The following PCDHGB2 variants were observed in gnomAD, a reference collection of about 807,000 sequenced individuals.
PCDHGB2 encodes protocadherin gamma-B2.
In PCDHGB2, 55 loss-of-function variants were observed where a neutral mutation model predicts 59.3. That is an observed-to-expected ratio of 0.93 (90% confidence interval 0.75 to 1.16). The LOEUF (loss-of-function observed/expected upper bound fraction) is 1.16, where lower values mean the gene tolerates loss of function less well. PCDHGB2 is among the 50% of genes most tolerant of loss of function. The pLI is 0.00. For synonymous variants in PCDHGB2, 516 were observed against 512.0 expected (o/e 1.01, Z -0.11); for missense variants, 1,228 against 1,198.5 (o/e 1.02, Z -0.36).
chr5:141,403,324 T>C (rs769971532), intron 1 of PCDHGB2: 9 of 1,613,974 alleles, frequency 5.6e-6, no homozygotes, highest in Non-Finnish European at 6.8e-6. Context: ...TAGAAGTAAC[T>C]GATATTAACG....
At position 141,394,998 on chromosome 5, in the gene PCDHGB2, G is replaced by T. The variant is rs774774010; in HGVS notation, c.2421+32442G>T. On this transcript the variant is annotated intron_variant, in intron 1 of 3. Transcript: ENST00000522605. ...CAAGTCACGCCTGCTCCAGGATTCC[G>T]GTGGCAGATTGGTAGGCGTGCCTGC... The T allele has an allele frequency of 2.7e-5, 44 of 1,613,892 alleles. No homozygotes were observed. Among genetic ancestry groups the T allele is most frequent in the Non-Finnish European group, 3.1e-5 (36 of 1,179,930 alleles).
chr5:141,419,085 C>T (rs759272094), intron 1 of PCDHGB2: 1 of 1,613,936 alleles, frequency 6.2e-7, no homozygotes, highest in Non-Finnish European at 8.5e-7. Flanking sequence ...ACAGATGAGG[C>T]CCTGGATCGG....
chr5:141,511,345 T>TC lies in PCDHGB2; in HGVS notation c.*179dup, dbSNP rs535135679. The TC allele has an allele frequency of 6.6e-4, 924 of 1,410,366 alleles. 3 individuals are homozygous for TC. The African/African-American group carries it at 0.011, about 17-fold the overall frequency. 87.4% of individuals were successfully genotyped at this position (1,410,366 alleles called of 1,614,324 possible). ...AAGTGCCCAGTCAGCACCTACCCCT[T>TC]CCCCCCCAGGGGGTTGAATATGCAA... On this transcript the variant is annotated 3_prime_UTR_variant, in exon 4 of 4. Coordinates refer to ENST00000522605, the MANE Select transcript of PCDHGB2 (RefSeq NM_018923.3).
In PCDHGB2 at chr5:141,393,293, G is replaced by A. The variant is rs774531655; in HGVS notation, c.2421+30737G>A. On this transcript the variant is annotated intron_variant, in intron 1 of 3. Coordinates refer to ENST00000522605, the MANE Select transcript of PCDHGB2 (RefSeq NM_018923.3). ...ATCCACTCCCAGAAGCTGTTGACCC[G>A]GATGTGGGCGTGAACTCCCTCCAGA... 6.2e-6 allele frequency: 10 copies of A among 1,613,918 alleles called. No homozygotes were observed. The Admixed American group carries it at 8.3e-5, about 13-fold the overall frequency.
In PCDHGB2 at chr5:141,362,025, T is replaced by A. The variant is rs1199168452; in HGVS notation, c.1890T>A (p.Arg630=). Residue 630 remains arginine (R), a synonymous_variant, in exon 1 of 4, where the codon CGT becomes CGA. Transcript: ENST00000522605. The stretch of plus-strand genomic sequence containing the variant: ...GCACGGGTGAGGTGCGCACAGCGCG[T>A]GCCTTGGGCGACAGGGACGCGGCCC... The part of the protein sequence containing the change: ...GLRTGEVRTA[R]ALGDRDAARQ... 1.9e-6 allele frequency: 3 copies of A among 1,608,318 alleles called. No individual in the cohort carries two copies. The highest frequency in any genetic ancestry group is 3.3e-5 in the Admixed American group (2 of 59,722).
At chr5:141,392,730 C>T (rs1374381872) in intron 1 of PCDHGB2, 10 of 1,409,212 alleles carry the variant, frequency 7.1e-6, no homozygotes, top group Non-Finnish European at 8.4e-6. Context: ...GGAGGATTGT[C>T]ATCTCCATAG....
At chr5:141,418,800 G>A in intron 1 of PCDHGB2, 1 of 1,613,800 alleles carries the variant, frequency 6.2e-7, no homozygotes, top group African/African-American at 1.3e-5. Context: ...GAAGTAGAAA[G>A]ATATACGATA....
At chr5:141,396,767 G>C (rs900685366) in intron 1 of PCDHGB2, 1 of 152,220 alleles carries the variant, frequency 6.6e-6, no homozygotes, top group African/African-American at 2.4e-5. Context: ...ATAAATGTTT[G>C]TTATTAATGA....
At chr5:141,385,224 T>G (rs751833387) in intron 1 of PCDHGB2, 2 of 1,614,206 alleles carry the variant, frequency 1.2e-6, no homozygotes, top group Non-Finnish European at 1.7e-6. Flanking sequence ...AGCCCAACTA[T>G]GTAGACATGC....
chr5:141,489,211 A>G lies in PCDHGB2; in HGVS notation c.2422-5596A>G, dbSNP rs1206929838. On this transcript the variant is annotated intron_variant, in intron 1 of 3. Coordinates refer to ENST00000522605, the MANE Select transcript of PCDHGB2 (RefSeq NM_018923.3). This position sits in a 1 kb window ranked among gnomAD's most constrained non-coding sequence, Gnocchi z 4.5. The stretch of plus-strand genomic sequence containing the variant: ...CTACCTTGGAGACAGGACAGCACAG[A>G]CTTACTCTCCACAAAGGGACTTCTG... 2 of 1,462,498 alleles carry G rather than the reference A, an allele frequency of 1.4e-6. No individual in the cohort carries two copies. Among genetic ancestry groups the G allele is most frequent in the Non-Finnish European group, 1.8e-6 (2 of 1,081,560 alleles). The allele number at this position is 1,462,498 out of a possible 1,614,324, so 90.6% of individuals were successfully genotyped here. A position where few individuals can be genotyped will look rare whatever the true frequency, so the allele number is the denominator to read the frequency against.
At chr5:141,398,963 ATTCCT>A in intron 1 of PCDHGB2, 1 of 1,613,976 alleles carries the variant, frequency 6.2e-7, no homozygotes, top group Non-Finnish European at 8.5e-7. Flanking sequence ...GAAATTACTT[ATTCCT>A]TCTACAGAAC....
At chr5:141,410,516 C>T in intron 1 of PCDHGB2, 2 of 1,613,910 alleles carry the variant, frequency 1.2e-6, no homozygotes, top group Middle Eastern at 1.6e-4. Context: ...ATGCAGTGTG[C>T]CCCTACATTC....
chr5:141,487,643 C>T lies in PCDHGB2; in HGVS notation c.2422-7164C>T. 1.2e-6 allele frequency: 2 copies of T among 1,614,104 alleles called. No homozygotes were observed. The highest frequency in any genetic ancestry group is 1.7e-6 in the Non-Finnish European group (2 of 1,179,986). Reference sequence around the variant, plus strand: ...GAGACCTTTGCAGGCTCAACAAATGCTTGAGGGTTATTCTGATCCAGGCAT... The same window carrying T: ...GAGACCTTTGCAGGCTCAACAAATGTTTGAGGGTTATTCTGATCCAGGCAT... On this transcript the variant is annotated intron_variant, in intron 1 of 3. Transcript: ENST00000522605. The surrounding 1 kb of genome is among the most constrained non-coding windows in gnomAD (Gnocchi z 5.0).
chr5:141,478,210 A>G, intron 1 of PCDHGB2: 1 of 1,614,064 alleles, frequency 6.2e-7, no homozygotes, highest in East Asian at 2.2e-5. Flanking sequence ...TTCTTTCTCT[A>G]ATCCTGGTTT....
At chr5:141,488,236 T>G (rs1333427955) in intron 1 of PCDHGB2, among the ~76,000 whole-genome samples, 2 of 152,154 alleles carry the variant, frequency 1.3e-5, no homozygotes, top group Non-Finnish European at 2.9e-5. Context: ...TTGAACTAGA[T>G]GCGGTAAATT....
At position 141,410,538 on chromosome 5, in the gene PCDHGB2, T is replaced by C. The variant is rs373020361; in HGVS notation, c.2421+47982T>C. The C allele has an allele frequency of 5.6e-6, 9 of 1,613,830 alleles. No homozygotes were observed. The South Asian group carries it at 7.7e-5, about 14-fold the overall frequency. On this transcript the variant is annotated intron_variant, in intron 1 of 3. Transcript: ENST00000522605. ...GTGCCCCTACATTCCAATGAAGACA[T>C]GGTTTGCAGTGTTTCTCCTGGAGCC...
intron 1 of PCDHGB2, among the ~76,000 whole-genome samples, chr5:141,429,654 T>C (rs1373502548): frequency 6.6e-6 from 1 of 152,232 alleles, no homozygotes; most frequent in Non-Finnish European, 1.5e-5. Context: ...TTCTTCCCAA[T>C]TTAAAATATA....
chr5:141,400,776 G>T (rs1461818790), intron 1 of PCDHGB2: 3 of 557,594 alleles, frequency 5.4e-6, no homozygotes, highest in Non-Finnish European at 9.4e-6. Context: ...CATTTGGTGC[G>T]TTTTTTTGTC....
chr5:141,481,445 T>C (rs760413279), intron 1 of PCDHGB2, among the ~76,000 whole-genome samples: 2 of 152,260 alleles, frequency 1.3e-5, no homozygotes, highest in Non-Finnish European at 2.9e-5. Context: ...GTTTAGTACA[T>C]GTAAATACAC....
Sources: allele counts gnomAD v4.1 joint callset (sites outside exome capture counted in the v4.1 genomes callset), GRCh38; gene constraint gnomAD v4.1.1; non-coding constraint Gnocchi (gnomAD v3.1); transcripts MANE v1.5; gene names NCBI Gene and HGNC (gene_info 2026-07-23, HGNC 2026-07-21).